The following GALNT7 variants were observed in gnomAD, a reference collection of about 807,000 sequenced individuals.
GALNT7 encodes the protein N-acetylgalactosaminyltransferase 7.
GALNT7 carries 60 observed loss-of-function variants against 82.1 expected under a neutral mutation model. The observed-to-expected ratio is 0.73, with a 90% CI of 0.59 to 0.91. The LOEUF (loss-of-function observed/expected upper bound fraction) is 0.91. Among genes scored for constraint, GALNT7 ranks in the 40% least tolerant of loss-of-function variants. The probability of loss-of-function intolerance (pLI) is 0.00; values close to 1 mark genes in which losing one functional copy is unlikely to be tolerated. For missense variants in GALNT7, 660 were observed against 804.2 expected (o/e 0.82, Z 2.17); for synonymous variants, 243 against 275.1 (o/e 0.88, Z 1.15).
At chr4:173,210,198 C>G (rs970424063) in intron 1 of GALNT7, among the ~76,000 whole-genome samples, 8 of 151,944 alleles carry the variant, frequency 5.3e-5, no homozygotes, top group African/African-American at 1.9e-4. Context: ...ATTGCAGCAT[C>G]AACATAACTG....
chr4:173,195,844 T>A (rs1023931664), intron 1 of GALNT7, among the ~76,000 whole-genome samples: 1 of 152,166 alleles, frequency 6.6e-6, no homozygotes, highest in South Asian at 2.1e-4. Context: ...ACAAAGAGAG[T>A]GCACACACAT....
chr4:173,303,921 C>T, intron 7 of GALNT7, 75 bp from the exon 8 acceptor site: 4 of 1,228,440 alleles, frequency 3.3e-6, no homozygotes, highest in Non-Finnish European at 3.5e-6. Context: ...TAGATTTACA[C>T]TTACAAGATA....
At chr4:173,258,647 A>G (rs1454949692) in intron 2 of GALNT7, among the ~76,000 whole-genome samples, 2 of 152,162 alleles carry the variant, frequency 1.3e-5, no homozygotes, top group Non-Finnish European at 2.9e-5. Context: ...CCATACTGAG[A>G]TAGTATATTT....
intron 2 of GALNT7, among the ~76,000 whole-genome samples, chr4:173,269,282 A>G (rs1270583829): frequency 6.6e-6 from 1 of 152,236 alleles, no homozygotes; most frequent in African/African-American, 2.4e-5. Context: ...GAATAGAAAT[A>G]AAGTGGCCGA....
chr4:173,205,046 C>T (rs1187242509), intron 1 of GALNT7, among the ~76,000 whole-genome samples: 1 of 152,176 alleles, frequency 6.6e-6, no homozygotes, highest in Admixed American at 6.5e-5. Flanking sequence ...ACTACTGGAG[C>T]CCTTGGACTT....
At chr4:173,309,029 A>G (rs1737272576) in intron 8 of GALNT7, among the ~76,000 whole-genome samples, 1 of 152,272 alleles carries the variant, frequency 6.6e-6, no homozygotes, top group African/African-American at 2.4e-5. Context: ...CCATAAATAT[A>G]GAACTAGGAT....
In GALNT7 at chr4:173,285,731, A is replaced by G. The variant is rs898959000; in HGVS notation, c.588-6377A>G. Among the ~76,000 whole-genome samples the G allele has an allele frequency of 1.3e-4, 20 of 152,364 alleles. No homozygotes were observed. In the East Asian group the frequency reaches 3.7e-3, roughly 28 times the overall value. On this transcript the variant is annotated intron_variant, in intron 2 of 11. Coordinates refer to ENST00000265000, the MANE Select transcript of GALNT7 (RefSeq NM_017423.3). ...TACACAGACAGACAGAAGAAGATCC[A>G]GCAGCTCAGGGTGGAGCCCTTTTAC...
At chr4:173,178,341 T>G (rs1375652833) in intron 1 of GALNT7, among the ~76,000 whole-genome samples, 1 of 152,204 alleles carries the variant, frequency 6.6e-6, no homozygotes, top group Non-Finnish European at 1.5e-5. Flanking sequence ...AGAGAAAATG[T>G]ATGCTCAGCA....
In GALNT7 at chr4:173,323,006, T is replaced by G. The variant is rs1737878930; in HGVS notation, c.*1289T>G. On this transcript the variant is annotated 3_prime_UTR_variant, in exon 12 of 12. Transcript: ENST00000265000. ...CGGTGAACAGAAGATTTGTTTGGAT[T>G]TAAACATTTACTAAGACAGTACCTA... 1 of 152,128 alleles carries G rather than the reference T, an allele frequency of 6.6e-6. No homozygotes were observed. Among genetic ancestry groups the G allele is most frequent in the Admixed American group, 6.6e-5 (1 of 15,264 alleles). 9.4% of individuals were successfully genotyped at this position (152,128 alleles called of 1,614,324 possible). A position where few individuals can be genotyped will look rare whatever the true frequency, so the allele number is the denominator to read the frequency against.
chr4:173,194,469 G>A (rs1386653345), intron 1 of GALNT7, among the ~76,000 whole-genome samples: 1 of 152,144 alleles, frequency 6.6e-6, no homozygotes, highest in East Asian at 1.9e-4. Flanking sequence ...CTGTGGCTTT[G>A]AATGTAAATT....
At chr4:173,187,491 T>C (rs560766382) in intron 1 of GALNT7, among the ~76,000 whole-genome samples, 2 of 152,254 alleles carry the variant, frequency 1.3e-5, no homozygotes, top group South Asian at 2.1e-4. Flanking sequence ...AGGCATGATT[T>C]TGAATTTTAT....
At chr4:173,226,370 T>C (rs1031129693) in intron 1 of GALNT7, among the ~76,000 whole-genome samples, 1 of 152,228 alleles carries the variant, frequency 6.6e-6, no homozygotes, top group Non-Finnish European at 1.5e-5. Context: ...AATATTTTTA[T>C]GCAGTAACTT....
chr4:173,174,675 G>A (rs925818870), intron 1 of GALNT7, among the ~76,000 whole-genome samples: 1 of 152,122 alleles, frequency 6.6e-6, no homozygotes, highest in African/African-American at 2.4e-5. Flanking sequence ...CCTGAAGTGG[G>A]AGTTCCTGCT....
chr4:173,243,701 A>G (rs752410668), intron 1 of GALNT7, among the ~76,000 whole-genome samples: 6 of 152,212 alleles, frequency 3.9e-5, no homozygotes, highest in African/African-American at 1.4e-4. Flanking sequence ...ATTTAATGAC[A>G]TGCAGCCTCT....
Position 173,216,727 on chromosome 4 carries a change from A to ATATATATATATTTTTT in GALNT7, c.127-31252_127-31251insATATATATATTTTTTT, listed in dbSNP as rs71244915. Among the ~76,000 whole-genome samples the ATATATATATATTTTTT allele has an allele frequency of 5.4e-4, 7 of 12,976 alleles. 1 individual carries two copies. The highest frequency in any genetic ancestry group is 2.0e-3 in the African/African-American group (7 of 3,588). The allele number at this position is 12,976 out of a possible 152,430, so 8.5% of individuals were successfully genotyped here. A position where few individuals can be genotyped will look rare whatever the true frequency, so the allele number is the denominator to read the frequency against. On this transcript the variant is annotated intron_variant, in intron 1 of 11. Coordinates refer to ENST00000265000, the MANE Select transcript of GALNT7 (RefSeq NM_017423.3). ...TATTCATATATATATATATATATATATTTTTTTTTTTTTTTTTTTGGAGAC... is the reference window on the plus strand; with the variant it reads ...TATTCATATATATATATATATATATATATATATATATTTTTTTTTTTTTTTTTTTTTTTTTGGAGAC...
At chr4:173,296,102 C>G (rs1378439785) in intron 5 of GALNT7, among the ~76,000 whole-genome samples, 1 of 152,186 alleles carries the variant, frequency 6.6e-6, no homozygotes, top group African/African-American at 2.4e-5. Context: ...TAAGACCCCT[C>G]TATCTCCAGG....
At chr4:173,319,784 A>C (rs1480349179) in intron 11 of GALNT7, among the ~76,000 whole-genome samples, 2 of 152,172 alleles carry the variant, frequency 1.3e-5, no homozygotes, top group South Asian at 4.1e-4. Context: ...AAAGCACGCT[A>C]TTATATAATG....
intron 1 of GALNT7, among the ~76,000 whole-genome samples, chr4:173,210,021 T>C (rs778187882): frequency 1.3e-5 from 2 of 151,622 alleles, no homozygotes; most frequent in Non-Finnish European, 2.9e-5. Flanking sequence ...TACTCCCAGC[T>C]ACTCAGGAAG....
intron 1 of GALNT7, among the ~76,000 whole-genome samples, chr4:173,226,506 T>C (rs1733832111): frequency 6.6e-6 from 1 of 152,178 alleles, no homozygotes; most frequent in South Asian, 2.1e-4. Context: ...TTCATATTAA[T>C]CCATGCTTAG....
Sources: gnomAD v4.1 joint callset for allele counts (sites outside exome capture counted in the v4.1 genomes callset) on GRCh38, gnomAD v4.1.1 for gene constraint, MANE v1.5 for transcripts, NCBI Gene and HGNC (gene_info 2026-07-23, HGNC 2026-07-21) for gene names.